AKAP13: variants seen among roughly 807,000 people sequenced by gnomAD.
AKAP13 encodes the protein A-kinase anchor protein 13.
A neutral mutation model predicts 264.5 loss-of-function variants in AKAP13; 80 were observed. The ratio of observed to expected loss-of-function variants is 0.30; its 90% CI spans 0.25 to 0.36. AKAP13 has a LOEUF of 0.36. Among genes scored for constraint, AKAP13 ranks in the 10% least tolerant of loss-of-function variants. AKAP13 has a pLI of 1.00. For synonymous variants in AKAP13, 1,380 were observed against 1,250.2 expected, an observed-to-expected ratio of 1.10 and a Z score of -2.19; for missense variants, 3,712 against 3,435.2, an observed-to-expected ratio of 1.08 and a Z score of -2.01.
intron 23 of AKAP13, among the ~76,000 whole-genome samples, chr15:85,720,092 G>C (rs1437418517): frequency 6.6e-6 from 1 of 152,082 alleles, no homozygotes. Context: ...AAATGAGCCA[G>C]GTGTGGTAGT....
At chr15:85,382,291 G>A (rs1305701889) in intron 1 of AKAP13, 1 of 152,226 alleles carries the variant, frequency 6.6e-6, no homozygotes, top group Non-Finnish European at 1.5e-5. Flanking sequence ...CTCGTGCTAA[G>A]TGAGTCCTGT....
intron 11 of AKAP13, 84 bp downstream of exon 11, chr15:85,655,871 A>T: frequency 6.7e-7 from 1 of 1,499,088 alleles, no homozygotes; most frequent in South Asian, 1.4e-5. Context: ...TTGGTAAAAG[A>T]ATTTAGGAGA....
chr15:85,738,654 A>T (rs1003071071), intron 33 of AKAP13, among the ~76,000 whole-genome samples: 1 of 151,370 alleles, frequency 6.6e-6, no homozygotes, highest in African/African-American at 2.4e-5. Flanking sequence ...CTGGCTAACA[A>T]GGTGAAACCC....
rs1372457186 is a variant in AKAP13, at chr15:85,534,064, A to G, written c.478+184A>G. 6.6e-6 allele frequency: 4 copies of G among 606,956 alleles called. No individual in the cohort carries two copies. The Admixed American group carries it at 1.5e-4, about 22-fold the overall frequency. The allele number at this position is 606,956 out of a possible 1,614,324, so 37.6% of individuals were successfully genotyped here. A position where few individuals can be genotyped will look rare whatever the true frequency, so the allele number is the denominator to read the frequency against. ...TCTAGGTTCTTCAATTGAGCTGTTAAGCATGTTGTTGCAGCGAAATGACCC... is the reference window on the plus strand; with the variant it reads ...TCTAGGTTCTTCAATTGAGCTGTTAGGCATGTTGTTGCAGCGAAATGACCC... On this transcript the variant is annotated intron_variant, in intron 4 of 36. Transcript: ENST00000394518.
At chr15:85,412,437 A>G (rs963692864) in intron 1 of AKAP13, among the ~76,000 whole-genome samples, 14 of 152,246 alleles carry the variant, frequency 9.2e-5, no homozygotes, top group Admixed American at 5.2e-4. Flanking sequence ...CAGACATTAA[A>G]GAGATTTGCC....
At chr15:85,482,724 G>C (rs2075389203) in intron 1 of AKAP13, among the ~76,000 whole-genome samples, 1 of 152,148 alleles carries the variant, frequency 6.6e-6, no homozygotes, top group Admixed American at 6.5e-5. Context: ...TGAAATAGGG[G>C]AAATAGTATC....
chr15:85,459,203 C>T (rs1366107175), intron 1 of AKAP13, among the ~76,000 whole-genome samples: 2 of 152,232 alleles, frequency 1.3e-5, no homozygotes, highest in South Asian at 2.1e-4. Context: ...TCTACTTTTT[C>T]TTTCCTTCGT....
At chr15:85,700,937 G>A (rs568474617) in intron 17 of AKAP13, among the ~76,000 whole-genome samples, 5 of 152,288 alleles carry the variant, frequency 3.3e-5, no homozygotes, top group African/African-American at 1.2e-4. Context: ...AGTGAATTGC[G>A]AATGTCATGC....
intron 17 of AKAP13, chr15:85,702,501 G>A (rs1228152346): frequency 6.6e-6 from 1 of 152,100 alleles, no homozygotes; most frequent in Non-Finnish European, 1.5e-5. Flanking sequence ...CCCAGGAGTC[G>A]TAGGAAATGT....
At chr15:85,719,037 AAG>A (rs1478390216) in intron 22 of AKAP13, 37 bp from the exon 23 acceptor site, 2 of 1,607,116 alleles carry the variant, frequency 1.2e-6, no homozygotes, top group South Asian at 2.2e-5. Flanking sequence ...ATGCTTATAA[AAG>A]AGTGTTCCTG....
chr15:85,579,424 G>A lies in AKAP13; in HGVS notation c.1356G>A (p.Met452Ile), dbSNP rs1341208234. The change falls in exon 7 of 37, where the codon ATG becomes ATA. Residue 452 changes from methionine to isoleucine, a missense_variant. Met to Ile is a conservative substitution (Grantham distance 10, BLOSUM62 1). Around this residue, in one of 3 missense-constraint regions of AKAP13, gnomAD observed 2,759 missense variants for 2,411.7 expected, o/e 1.14. Transcript: ENST00000394518. ...CTGTGCTTCAGAGAGACTTGGTCAT[G>A]GAGCCAGGCACAGCCCAGTATTCCT... Reference protein sequence around the residue: ...GDAVLQRDLVMEPGTAQYSSG... With the variant: ...GDAVLQRDLVIEPGTAQYSSG... The A allele has an allele frequency of 3.1e-6, 5 of 1,614,050 alleles. No homozygotes were observed. Among genetic ancestry groups the A allele is most frequent in the Non-Finnish European group, 4.2e-6 (5 of 1,179,904 alleles).
Position 85,744,948 on chromosome 15 carries a change from G to A in AKAP13, c.*271G>A. On this transcript the variant is annotated 3_prime_UTR_variant, in exon 37 of 37. Transcript: ENST00000394518. ...TACTCAGGATTACACTGAAAGTAAT[G>A]GCCTCGTAAGTACAGGTGATGGTTT... 1.4e-5 allele frequency: 5 copies of A among 365,886 alleles called. No homozygotes were observed. The highest frequency in any genetic ancestry group is 4.8e-5 in the East Asian group (1 of 20,902). The allele number at this position is 365,886 out of a possible 1,614,324, so 22.7% of individuals were successfully genotyped here.
intron 1 of AKAP13, among the ~76,000 whole-genome samples, chr15:85,411,217 G>A (rs553466393): frequency 1.3e-5 from 2 of 152,284 alleles, no homozygotes; most frequent in African/African-American, 4.8e-5. Context: ...CAGTAGTCAC[G>A]GTATTCATTA....
intron 3 of AKAP13, among the ~76,000 whole-genome samples, chr15:85,525,678 C>G (rs1282467439): frequency 1.3e-5 from 2 of 152,106 alleles, no homozygotes; most frequent in Non-Finnish European, 2.9e-5. Flanking sequence ...AAAACAAATA[C>G]AACCCTAAAT....
rs2086468967 is a variant in AKAP13 at position 85,708,880 on chromosome 15, A to G, written c.5532+794A>G. Among the ~76,000 whole-genome samples the G allele has an allele frequency of 1.3e-5, 2 of 152,194 alleles. No individual in the cohort carries two copies. Among genetic ancestry groups the G allele is most frequent in the Admixed American group, 1.3e-4 (2 of 15,286 alleles). ...TGCATCAGAATCAACTCGAGGGCTTATTGAAAGACAACTTACTGAGCCCCA... is the reference window on the plus strand; with the variant it reads ...TGCATCAGAATCAACTCGAGGGCTTGTTGAAAGACAACTTACTGAGCCCCA... On this transcript the variant is annotated intron_variant, in intron 18 of 36. Transcript: ENST00000394518. The surrounding 1 kb of genome is among the most constrained non-coding windows in gnomAD (Gnocchi z 4.3).
At chr15:85,463,905 C>T (rs2074623179) in intron 1 of AKAP13, among the ~76,000 whole-genome samples, 1 of 151,962 alleles carries the variant, frequency 6.6e-6, no homozygotes, top group South Asian at 2.1e-4. Context: ...AATTTGGAAG[C>T]CAGATTCCTG....
intron 4 of AKAP13, among the ~76,000 whole-genome samples, chr15:85,538,496 T>C (rs1475244435): frequency 1.3e-5 from 2 of 150,888 alleles, no homozygotes; most frequent in Admixed American, 6.6e-5. Context: ...CTTTCTTTTT[T>C]TTTTTTTTTT....
intron 17 of AKAP13, among the ~76,000 whole-genome samples, chr15:85,697,129 G>A (rs1331621273): frequency 6.6e-6 from 1 of 152,194 alleles, no homozygotes; most frequent in Admixed American, 6.5e-5. Context: ...CATTGGGTTA[G>A]GTTGACAAAT....
intron 8 of AKAP13, among the ~76,000 whole-genome samples, chr15:85,606,530 C>T (rs1428408321): frequency 6.6e-6 from 1 of 152,122 alleles, no homozygotes; most frequent in Admixed American, 6.5e-5. Context: ...TGTCTTGTTC[C>T]ACGAGACTTG....
Sources: allele counts gnomAD v4.1 joint callset (sites outside exome capture counted in the v4.1 genomes callset), GRCh38; gene constraint gnomAD v4.1.1; regional missense constraint gnomAD v4.1.1; non-coding constraint Gnocchi (gnomAD v3.1); transcripts MANE v1.5; gene names NCBI Gene and HGNC (gene_info 2026-07-23, HGNC 2026-07-21).